The following OLAH variants were observed in gnomAD, a reference collection of about 807,000 sequenced individuals.
OLAH encodes oleoyl-ACP hydrolase, also known as S-acyl fatty acid synthase thioesterase, medium chain.
A neutral mutation model predicts 27.8 loss-of-function variants in OLAH; 33 were observed. The ratio of observed to expected loss-of-function variants is 1.19; its 90% CI spans 0.90 to 1.59. The LOEUF (loss-of-function observed/expected upper bound fraction) is 1.59. Ranked by LOEUF, OLAH falls within the 40% of genes most tolerant of loss-of-function variation. The pLI is 0.00. For synonymous variants in OLAH, 120 were observed against 102.9 expected (o/e 1.17, Z -1.01); for missense variants, 359 against 310.8 (o/e 1.16, Z -1.17).
At chr10:15,060,503 TGTTTAA>T (rs972503254) in intron 3 of OLAH, among the ~76,000 whole-genome samples, 11 of 151,994 alleles carry the variant, frequency 7.2e-5, no homozygotes, top group Non-Finnish European at 5.9e-5. Context: ...TCTTTTTCTA[TGTTTAA>T]GTTCACTGAT....
chr10:15,062,813 AT>A lies in OLAH; in HGVS notation c.302+953del, dbSNP rs376285485. On this transcript the variant is annotated intron_variant, in intron 4 of 7. Transcript: ENST00000378228. The stretch of plus-strand genomic sequence containing the variant: ...GAGTGCAGTGGCACGATCTCAGCTC[AT>A]TGCAACCTACACCTCATGGGTTCAA... Among the ~76,000 whole-genome samples, 147 of 150,562 alleles carry A rather than the reference AT, an allele frequency of 9.8e-4. 1 individual carries two copies. The East Asian group carries it at 0.026, about 27-fold the overall frequency.
At chr10:15,067,112 A>C (rs779035060) in intron 6 of OLAH, among the ~76,000 whole-genome samples, 4 of 152,238 alleles carry the variant, frequency 2.6e-5, no homozygotes, top group Non-Finnish European at 5.9e-5. Flanking sequence ...ACTTATATCA[A>C]AATATCACAG....
intron 3 of OLAH, 119 bp from the exon 4 acceptor site, chr10:15,061,605 T>G: frequency 1.1e-6 from 1 of 927,884 alleles, no homozygotes; most frequent in Non-Finnish European, 1.5e-6. Context: ...TTGCTGGACT[T>G]AACTGTTATC....
intron 4 of OLAH, among the ~76,000 whole-genome samples, chr10:15,062,391 C>G (rs904348867): frequency 3.0e-4 from 46 of 151,932 alleles, no homozygotes; most frequent in African/African-American, 1.1e-3. Flanking sequence ...CAAATATGGT[C>G]AAGCAGAAAT....
intron 3 of OLAH, 71 bp downstream of exon 3, chr10:15,049,836 TTTGG>T: frequency 1.4e-6 from 2 of 1,462,248 alleles, no homozygotes; most frequent in Non-Finnish European, 1.8e-6. Context: ...GAATTTGAAG[TTTGG>T]TCAAGACTTT....
intron 6 of OLAH, among the ~76,000 whole-genome samples, chr10:15,067,538 A>G (rs1184629389): frequency 1.3e-5 from 2 of 152,144 alleles, no homozygotes; most frequent in African/African-American, 2.4e-5. Context: ...CCTCCAAAAC[A>G]CCAGAAGTAA....
rs1261033292 is a variant in OLAH at position 15,049,663 on chromosome 10, A to G, written c.61A>G (p.Lys21Glu). The G allele has an allele frequency of 1.9e-6, 3 of 1,601,376 alleles. No individual in the cohort carries two copies. The African/African-American group carries it at 4.0e-5, about 22-fold the overall frequency. The change falls in exon 3 of 8, where the codon AAA becomes GAA. Residue 21 changes from lysine (K) to glutamate (E), a missense_variant. Lys to Glu is a moderately conservative substitution (Grantham distance 56). Transcript: ENST00000378228. ...RNENIFNCLY[K>E]NPEATFKLIC... ...TGAAAACATTTTCAACTGCTTATAC[A>G]AAAACCCTGAGGCAACTTTTAAGCT...
intron 1 of OLAH, among the ~76,000 whole-genome samples, chr10:15,035,506 A>T (rs895130220): frequency 6.6e-6 from 1 of 152,102 alleles, no homozygotes; most frequent in Non-Finnish European, 1.5e-5. Flanking sequence ...TGGATGGGGA[A>T]GTGCCATAGC....
upstream of OLAH, among the ~76,000 whole-genome samples, chr10:15,041,554 A>G (rs1250152400): frequency 6.7e-6 from 1 of 148,548 alleles, no homozygotes; most frequent in Non-Finnish European, 1.5e-5. Flanking sequence ...CTAGGATTAC[A>G]GGCGTGAGCC....
intron 1 of OLAH, among the ~76,000 whole-genome samples, chr10:15,032,640 G>C (rs1027391038): frequency 1.5e-5 from 2 of 135,644 alleles, no homozygotes; most frequent in Non-Finnish European, 3.2e-5. Flanking sequence ...AAAAAAAAAA[G>C]AAAAACATCG....
At chr10:15,059,945 T>C (rs1844330431) in intron 3 of OLAH, among the ~76,000 whole-genome samples, 1 of 152,228 alleles carries the variant, frequency 6.6e-6, no homozygotes, top group Non-Finnish European at 1.5e-5. Flanking sequence ...TGGTTTTCAT[T>C]GTTTATTCTG....
At chr10:15,073,046 C>T (rs948141765) in intron 7 of OLAH, 41 bp from the exon 8 acceptor site, 3 of 1,586,230 alleles carry the variant, frequency 1.9e-6, no homozygotes, top group Non-Finnish European at 2.6e-6. Flanking sequence ...TCTTTAGTTG[C>T]TGTTGGTGTT....
At chr10:15,037,942 A>G (rs1010472700) in intron 1 of OLAH, among the ~76,000 whole-genome samples, 4 of 152,244 alleles carry the variant, frequency 2.6e-5, no homozygotes, top group African/African-American at 9.6e-5. Flanking sequence ...ATGAACCAGG[A>G]AAAACCCTGC....
chr10:15,063,356 C>T (rs1453555593), intron 4 of OLAH, among the ~76,000 whole-genome samples: 1 of 152,132 alleles, frequency 6.6e-6, no homozygotes, highest in African/African-American at 2.4e-5. Context: ...GTCTCCAACT[C>T]CTGGGCCCAA....
intron 5 of OLAH, among the ~76,000 whole-genome samples, chr10:15,064,868 G>A (rs1844436849): frequency 6.6e-6 from 1 of 152,118 alleles, no homozygotes; most frequent in Non-Finnish European, 1.5e-5. Flanking sequence ...TGTTGGCCAG[G>A]CTGGTCTTGA....
At chr10:15,050,539 A>ATTTTTT (rs764081489) in intron 3 of OLAH, among the ~76,000 whole-genome samples, 1 of 109,068 alleles carries the variant, frequency 9.2e-6, no homozygotes, top group African/African-American at 3.7e-5. Context: ...AAGTGCTAGG[A>ATTTTTT]TTTTTTTTTT....
intron 3 of OLAH, among the ~76,000 whole-genome samples, chr10:15,051,454 C>T (rs1374655135): frequency 6.6e-6 from 1 of 152,208 alleles, no homozygotes; most frequent in Non-Finnish European, 1.5e-5. Flanking sequence ...CTAATGGCTG[C>T]AAGCCTTGCA....
intron 3 of OLAH, among the ~76,000 whole-genome samples, chr10:15,060,999 T>A (rs74123269): frequency 0.022 from 3,380 of 152,296 alleles, 119 homozygotes; most frequent in African/African-American, 0.076. Context: ...CTTGTCATTG[T>A]TTCTGTTAGG....
At chr10:15,038,913 C>T (rs1443818735) in intron 1 of OLAH, among the ~76,000 whole-genome samples, 1 of 152,096 alleles carries the variant, frequency 6.6e-6, no homozygotes, top group Non-Finnish European at 1.5e-5. Flanking sequence ...CAAATATATT[C>T]AGCATCTTGA....
Sources: allele counts gnomAD v4.1 joint callset (sites outside exome capture counted in the v4.1 genomes callset), GRCh38; gene constraint gnomAD v4.1.1; transcripts MANE v1.5; gene names NCBI Gene and HGNC (gene_info 2026-07-23, HGNC 2026-07-21).